Variants in MEG3 observed in about 807,000 individuals in gnomAD.
MEG3 encodes Very putative protein from MEG3 locus.
intron 2 of MEG3, chr14:100,828,967 C>T (rs761988576): frequency 2.6e-5 from 4 of 152,138 alleles, no homozygotes; most frequent in Admixed American, 6.5e-5. Context: ...AATTAATGAA[C>T]TTAAACTGTA....
intron 1 of MEG3, chr14:100,860,489 C>T (rs1463918035): frequency 2.7e-5 from 10 of 374,170 alleles, no homozygotes; most frequent in East Asian, 7.3e-5. Flanking sequence ...GGGCAGGGTA[C>T]GCCAGAAGTT....
intron 2 of MEG3, among the ~76,000 whole-genome samples, chr14:100,844,031 C>T (rs868770564): frequency 6.6e-6 from 1 of 151,934 alleles, no homozygotes; most frequent in Non-Finnish European, 1.5e-5. Context: ...GGGGTTTCAT[C>T]ATGTTGGTCA....
intron 3 of MEG3, chr14:100,849,893 T>C (rs2038018058): frequency 6.6e-6 from 1 of 152,148 alleles, no homozygotes; most frequent in South Asian, 2.1e-4. Flanking sequence ...ACATACTCCT[T>C]AAACAGATAA....
At chr14:100,836,124 G>A (rs1256409663) in intron 1 of MEG3, 1 of 421,554 alleles carries the variant, frequency 2.4e-6, no homozygotes, top group Admixed American at 3.1e-5. Context: ...CTTTTCCGGG[G>A]CGCTTGCCTT....
chr14:100,847,996 G>GTTTGT (rs1309366288), intron 3 of MEG3: 1 of 152,168 alleles, frequency 6.6e-6, no homozygotes. Flanking sequence ...AAGGATGGAC[G>GTTTGT]TTTGCGGGTG....
chr14:100,851,709 C>T (rs1368051553), intron 3 of MEG3: 4 of 152,798 alleles, frequency 2.6e-5, no homozygotes, highest in Non-Finnish European at 4.4e-5. Flanking sequence ...TTCAAGGCCT[C>T]TCTGTCTTCT....
downstream of MEG3, chr14:100,834,108 TGGGTGGACTC>T (rs2037480310): frequency 6.6e-6 from 1 of 152,438 alleles, no homozygotes; most frequent in Admixed American, 6.5e-5. Flanking sequence ...ACTCTGACTA[TGGGTGGACTC>T]GGGTGTAGAC....
chr14:100,829,114 AG>A (rs2037330127), exon 3 of MEG3: 1 of 152,264 alleles, frequency 6.6e-6, no homozygotes, highest in African/African-American at 2.4e-5. Flanking sequence ...AGGATGGCAA[AG>A]GATGAAGAGG....
chr14:100,851,718 C>T (rs1353211816), intron 3 of MEG3: 1 of 152,934 alleles, frequency 6.5e-6, no homozygotes, highest in Non-Finnish European at 1.5e-5. Flanking sequence ...TCTCTGTCTT[C>T]TCGGCTGTTT....
exon 1 of MEG3, chr14:100,835,326 C>T (rs1340015681): frequency 6.5e-6 from 1 of 155,004 alleles, no homozygotes; most frequent in African/African-American, 2.4e-5. Flanking sequence ...TGACTGCGAC[C>T]CTTCCCTTGC....
At chr14:100,833,346 G>C (rs1014162943), downstream of MEG3, 1 of 152,186 alleles carries the variant, frequency 6.6e-6, no homozygotes, top group African/African-American at 2.4e-5. Context: ...TGCAACCTCT[G>C]CCTTCCGGGT....
In MEG3 at chr14:100,837,914, G is replaced by A. The variant is rs2037637550; in HGVS notation, n.3045+1614G>A. Among the ~76,000 whole-genome samples, 1 of 151,998 alleles carries A rather than the reference G, an allele frequency of 6.6e-6. No individual in the cohort carries two copies. The highest frequency in any genetic ancestry group is 2.1e-4 in the South Asian group (1 of 4,822). On this transcript the variant is annotated intron_variant and non_coding_transcript_variant, in intron 2 of 3. Coordinates refer to the MEG3 transcript ENST00000398461. This position sits in a 1 kb window ranked among gnomAD's most constrained non-coding sequence, Gnocchi z 5.8. ...GGAGAGCCCCAGAGCCTGGAGAGACGGGGAGGGGAGTGTGTGCCCAGGGCT... is the reference window on the plus strand; with the variant it reads ...GGAGAGCCCCAGAGCCTGGAGAGACAGGGAGGGGAGTGTGTGCCCAGGGCT...
chr14:100,835,011 A>C (rs1414791528), exon 1 of MEG3: 2 of 359,102 alleles, frequency 5.6e-6, no homozygotes, highest in African/African-American at 2.1e-5. Flanking sequence ...ACCGTAGCCC[A>C]TCCCTTGATG....
At chr14:100,835,913 C>T (rs987909165) in intron 1 of MEG3, 39 of 298,426 alleles carry the variant, frequency 1.3e-4, no homozygotes, top group Non-Finnish European at 2.2e-4. Flanking sequence ...TTGCCTCCGC[C>T]GTGGCCCTGA....
intron 2 of MEG3, among the ~76,000 whole-genome samples, chr14:100,842,414 G>A (rs968428323): frequency 6.6e-6 from 1 of 152,172 alleles, no homozygotes; most frequent in African/African-American, 2.4e-5. Flanking sequence ...GCGAGAGAGA[G>A]GGGACATGAT....
At chr14:100,849,392 A>G (rs1281675851) in intron 3 of MEG3, 1 of 152,150 alleles carries the variant, frequency 6.6e-6, no homozygotes, top group African/African-American at 2.4e-5. Flanking sequence ...TAAAAGAATA[A>G]GTATTGAAAT....
rs2037886625 is a variant in MEG3 at position 100,845,363 on chromosome 14, G to GC, written n.3046-92dup. On this transcript the variant is annotated intron_variant and non_coding_transcript_variant, in intron 2 of 3. Coordinates refer to the MEG3 transcript ENST00000398461. This position sits in a 1 kb window ranked among gnomAD's most constrained non-coding sequence, Gnocchi z 5.2. Reference sequence around the variant, plus strand: ...GGAGTCTCTGCTCCAGGCCACCCCTGCCCGCCCCCCAGAGCTGTTGTCCTC... The same window carrying GC: ...GGAGTCTCTGCTCCAGGCCACCCCTGCCCCGCCCCCCAGAGCTGTTGTCCTC... 2 of 370,544 alleles carry GC rather than the reference G, an allele frequency of 5.4e-6. No individual in the cohort carries two copies. Among genetic ancestry groups the GC allele is most frequent in the East Asian group, 8.1e-5 (1 of 12,300 alleles). The allele number at this position is 370,544 out of a possible 1,614,324, so 23.0% of individuals were successfully genotyped here. A position where few individuals can be genotyped will look rare whatever the true frequency, so the allele number is the denominator to read the frequency against.
intron 2 of MEG3, among the ~76,000 whole-genome samples, chr14:100,843,209 C>T (rs1566730145): frequency 6.6e-6 from 1 of 152,208 alleles, no homozygotes; most frequent in Non-Finnish European, 1.5e-5. Flanking sequence ...CTTCCTGCTT[C>T]TGATTTCTCC....
At chr14:100,854,781 G>A (rs1430167202), upstream of MEG3, 3 of 152,670 alleles carry the variant, frequency 2.0e-5, no homozygotes, top group African/African-American at 4.8e-5. Flanking sequence ...CCACCTCTTA[G>A]GGGAATTGGG....
Sources: gnomAD v4.1 joint callset for allele counts (sites outside exome capture counted in the v4.1 genomes callset) on GRCh38, gnomAD v4.1.1 for gene constraint, Gnocchi (gnomAD v3.1) non-coding constraint, MANE v1.5 for transcripts, NCBI Gene and HGNC (gene_info 2026-07-23, HGNC 2026-07-21) for gene names.